Variants in FGGY observed in about 807,000 individuals in gnomAD.
The protein encoded by FGGY is FGGY carbohydrate kinase domain-containing protein.
Under a neutral mutation model 71.3 loss-of-function variants are expected in FGGY, and 72 were observed. That is an observed-to-expected ratio of 1.01 (90% CI 0.84 to 1.23). The LOEUF (loss-of-function observed/expected upper bound fraction) is 1.23, where lower values mean the gene tolerates loss of function less well. Ranked by LOEUF, FGGY falls within the 50% of genes most tolerant of loss-of-function variation. The pLI is 0.00. For missense variants in FGGY, 668 were observed against 682.3 expected, an observed-to-expected ratio of 0.98 and a Z score of 0.23; for synonymous variants, 251 against 250.3, an observed-to-expected ratio of 1.00 and a Z score of -0.02.
At chr1:59,614,362 G>A (rs1049114947) in intron 9 of FGGY, among the ~76,000 whole-genome samples, 2 of 151,944 alleles carry the variant, frequency 1.3e-5, no homozygotes, top group African/African-American at 2.4e-5. Context: ...ATCAATAAAC[G>A]TAATCCTGCA....
intron 7 of FGGY, among the ~76,000 whole-genome samples, chr1:59,515,491 G>A (rs1338644144): frequency 6.6e-6 from 1 of 152,130 alleles, no homozygotes; most frequent in African/African-American, 2.4e-5. Flanking sequence ...TGAAATGTGA[G>A]GACCTGAGAT....
rs147764511 is a variant in FGGY at position 59,312,971 on chromosome 1, T to A, written c.-14-8565T>A. Among the ~76,000 whole-genome samples, 242 of 152,318 alleles carry A rather than the reference T, an allele frequency of 1.6e-3. 1 individual carries two copies. Among genetic ancestry groups the A allele is most frequent in the African/African-American group, 5.6e-3 (234 of 41,552 alleles). On this transcript the variant is annotated intron_variant, in intron 1 of 15. Transcript: ENST00000303721. Reference sequence around the variant, plus strand: ...TCTTTCTGATTTAATACCATGTCCCTCTTCCAATCATCTGTTAGTCTTTAC... The same window carrying A: ...TCTTTCTGATTTAATACCATGTCCCACTTCCAATCATCTGTTAGTCTTTAC...
At chr1:59,329,371 C>A (rs952878784) in intron 2 of FGGY, among the ~76,000 whole-genome samples, 18 of 152,184 alleles carry the variant, frequency 1.2e-4, no homozygotes, top group Admixed American at 1.2e-3. Context: ...ATGAAGTGAG[C>A]ACATGCTGTT....
intron 5 of FGGY, among the ~76,000 whole-genome samples, chr1:59,399,621 C>G (rs1446028798): frequency 6.6e-6 from 1 of 152,162 alleles, no homozygotes; most frequent in Non-Finnish European, 1.5e-5. Context: ...CATAAAGTAT[C>G]TAGCACTTAC....
At chr1:59,615,246 A>G (rs1558556468) in intron 9 of FGGY, among the ~76,000 whole-genome samples, 1 of 152,222 alleles carries the variant, frequency 6.6e-6, no homozygotes, top group Non-Finnish European at 1.5e-5. Context: ...CTGACTTCAA[A>G]CTATACTACA....
At position 59,373,622 on chromosome 1, in the gene FGGY, A is replaced by C. The variant is rs575538074; in HGVS notation, c.466-5127A>C. 1.1e-3 allele frequency among the ~76,000 whole-genome samples: 172 copies of C among 152,322 alleles called. 1 individual carries two copies. Among genetic ancestry groups the C allele is most frequent in the Middle Eastern group, 3.4e-3 (1 of 294 alleles). On this transcript the variant is annotated intron_variant, in intron 4 of 15. Transcript: ENST00000303721. ...AAGTCAATCCTAAGCCAAAAGAACA[A>C]AGCTGGAGGCATCACGCTACCTGAC...
intron 14 of FGGY, among the ~76,000 whole-genome samples, chr1:59,683,705 A>G (rs965610448): frequency 1.3e-5 from 2 of 152,218 alleles, no homozygotes; most frequent in African/African-American, 4.8e-5. Context: ...GCTGGGCAAA[A>G]CAAGAGAAGG....
chr1:59,523,170 G>A (rs553415685), intron 7 of FGGY, among the ~76,000 whole-genome samples: 4 of 152,296 alleles, frequency 2.6e-5, no homozygotes, highest in African/African-American at 9.6e-5. Context: ...CAAAAGGTAC[G>A]GACTGCTAGA....
At chr1:59,386,686 C>T (rs1418166506) in intron 5 of FGGY, among the ~76,000 whole-genome samples, 1 of 151,952 alleles carries the variant, frequency 6.6e-6, no homozygotes, top group Non-Finnish European at 1.5e-5. Context: ...GGAGATTTGT[C>T]TTGTCTCAGT....
chr1:59,607,751 C>A, intron 8 of FGGY, 52 bp from the exon 9 acceptor site: 1 of 1,418,278 alleles, frequency 7.1e-7, no homozygotes, highest in Non-Finnish European at 9.9e-7. Context: ...GAGAACCCTT[C>A]CCCTACCCCT....
chr1:59,427,099 A>G (rs1039029172), intron 5 of FGGY, among the ~76,000 whole-genome samples: 4 of 152,212 alleles, frequency 2.6e-5, no homozygotes, highest in African/African-American at 9.6e-5. Context: ...CAACGAACAC[A>G]CAAAAAAGGT....
intron 8 of FGGY, among the ~76,000 whole-genome samples, chr1:59,578,312 T>G (rs984937922): frequency 6.6e-6 from 1 of 152,018 alleles, no homozygotes; most frequent in East Asian, 1.9e-4. Context: ...GACGGAGAGA[T>G]AGCCAGCTTT....
chr1:59,537,988 T>G (rs1317625404), intron 7 of FGGY, among the ~76,000 whole-genome samples: 4 of 152,026 alleles, frequency 2.6e-5, no homozygotes, highest in Non-Finnish European at 5.9e-5. Flanking sequence ...AAAGCCAAAA[T>G]TGACAAATGG....
chr1:59,466,317 A>G lies in FGGY; in HGVS notation c.670+9241A>G, dbSNP rs1056202952. Among the ~76,000 whole-genome samples the G allele has an allele frequency of 1.2e-4, 18 of 152,298 alleles. No homozygotes were observed. In the South Asian group the frequency reaches 2.7e-3, roughly 23 times the overall value. On this transcript the variant is annotated intron_variant, in intron 6 of 15. Coordinates refer to ENST00000303721, the MANE Select transcript of FGGY (RefSeq NM_018291.5). ...GGCTAGCCATATGTAGAAAGCTGAA[A>G]CTGGATCCCTTCCTTATACCTTATA... is the stretch of plus-strand genomic sequence containing the variant.
chr1:59,330,907 GAGA>G (rs1326544720), intron 2 of FGGY, among the ~76,000 whole-genome samples: 5 of 152,046 alleles, frequency 3.3e-5, no homozygotes, highest in Admixed American at 6.6e-5. Flanking sequence ...ATGGCTGGCA[GAGA>G]AGAAACTAAA....
chr1:59,655,384 G>A (rs1220223133), intron 11 of FGGY, among the ~76,000 whole-genome samples: 3 of 152,026 alleles, frequency 2.0e-5, no homozygotes, highest in African/African-American at 7.3e-5. Context: ...TAGGTTTTCA[G>A]CCCCACATAC....
At chr1:59,687,660 G>A (rs185511006) in intron 14 of FGGY, among the ~76,000 whole-genome samples, 19 of 150,632 alleles carry the variant, frequency 1.3e-4, no homozygotes, top group South Asian at 4.2e-4. Flanking sequence ...AGTAGAGATG[G>A]TGTTTCACCG....
chr1:59,393,645 T>C (rs1340996107), intron 5 of FGGY, among the ~76,000 whole-genome samples: 1 of 152,068 alleles, frequency 6.6e-6, no homozygotes, highest in Admixed American at 6.6e-5. Flanking sequence ...GTCTGGCCTC[T>C]GCAGTGGCTT....
chr1:59,520,251 T>G (rs568989010), intron 7 of FGGY, among the ~76,000 whole-genome samples: 16 of 152,350 alleles, frequency 1.1e-4, no homozygotes, highest in Non-Finnish European at 2.4e-4. Flanking sequence ...TGAAATGTGT[T>G]TTGTGAAATT....
Sources: allele counts gnomAD v4.1 joint callset (sites outside exome capture counted in the v4.1 genomes callset), GRCh38; gene constraint gnomAD v4.1.1; transcripts MANE v1.5; gene names NCBI Gene and HGNC (gene_info 2026-07-23, HGNC 2026-07-21).